GALK2: variants seen among roughly 807,000 people sequenced by gnomAD.
The protein encoded by GALK2 is N-acetylgalactosamine kinase.
In GALK2, 36 loss-of-function variants were observed where a neutral mutation model predicts 52.4. The ratio of observed to expected loss-of-function variants is 0.69; its 90% CI spans 0.53 to 0.91. The LOEUF (loss-of-function observed/expected upper bound fraction) is 0.91. GALK2 is among the 40% of genes least tolerant of loss of function. The probability of loss-of-function intolerance (pLI) is 0.00; values close to 1 mark genes in which losing one functional copy is unlikely to be tolerated. For synonymous variants in GALK2, 176 were observed against 199.1 expected (o/e 0.88, Z 0.98); for missense variants, 579 against 559.1 (o/e 1.04, Z -0.36).
intron 5 of GALK2, among the ~76,000 whole-genome samples, chr15:49,281,199 A>G (rs2032642948): frequency 6.6e-6 from 1 of 152,222 alleles, no homozygotes; most frequent in Admixed American, 6.5e-5. Context: ...TAAACTGGAT[A>G]TTGGACAAAA....
chr15:49,319,231 G>C, intron 8 of GALK2: 1 of 352,022 alleles, frequency 2.8e-6, no homozygotes, highest in East Asian at 7.6e-5. Context: ...TGGGATTACG[G>C]ATGTGAGCTA....
chr15:49,258,792 A>ATGTGTGTG (rs758074597), intron 5 of GALK2, among the ~76,000 whole-genome samples: 36 of 130,908 alleles, frequency 2.8e-4, no homozygotes, highest in African/African-American at 1.0e-3. Context: ...ATATATATAT[A>ATGTGTGTG]TATGTGTGTG....
At chr15:49,327,864 T>A in intron 9 of GALK2, 88 bp from the exon 10 acceptor site, 1 of 1,271,912 alleles carries the variant, frequency 7.9e-7, no homozygotes, top group African/African-American at 1.5e-5. Flanking sequence ...TTCTTAGAAC[T>A]TAGATAGGCT....
chr15:49,287,894 A>G lies in GALK2; in HGVS notation c.756+4176A>G, dbSNP rs984515435. Among the ~76,000 whole-genome samples the G allele has an allele frequency of 2.0e-4, 31 of 152,206 alleles. 1 individual carries two copies. The East Asian group carries it at 5.8e-3, about 28-fold the overall frequency. On this transcript the variant is annotated intron_variant, in intron 7 of 9. Transcript: ENST00000560031. ...TAAAGACAATTTTTCTTTGTTTTGC[A>G]TTAATGCTAGCAATTTCTTCTATTC... is the stretch of plus-strand genomic sequence containing the variant.
intron 8 of GALK2, among the ~76,000 whole-genome samples, chr15:49,299,592 T>C (rs1200755055): frequency 6.6e-6 from 1 of 152,160 alleles, no homozygotes; most frequent in African/African-American, 2.4e-5. Flanking sequence ...TTTGTTTTCA[T>C]TAGTTTTACA....
intron 4 of GALK2, among the ~76,000 whole-genome samples, chr15:49,237,719 C>T (rs1479798233): frequency 2.6e-5 from 4 of 152,156 alleles, no homozygotes; most frequent in East Asian, 1.9e-4. Context: ...TCGTGACCCA[C>T]CCGCCTCGGC....
chr15:49,223,457 G>A (rs1362896109), intron 3 of GALK2, among the ~76,000 whole-genome samples: 1 of 152,024 alleles, frequency 6.6e-6, no homozygotes, highest in East Asian at 1.9e-4. Context: ...TGATGTTTGG[G>A]GTACAGATGA....
chr15:49,272,846 T>C (rs2030933328), intron 5 of GALK2, among the ~76,000 whole-genome samples: 1 of 152,194 alleles, frequency 6.6e-6, no homozygotes, highest in Non-Finnish European at 1.5e-5. Flanking sequence ...CCAGCCTGAT[T>C]GTTGAAGGTC....
chr15:49,324,170 G>A (rs368858423), intron 9 of GALK2, among the ~76,000 whole-genome samples: 9 of 151,936 alleles, frequency 5.9e-5, no homozygotes, highest in South Asian at 2.1e-4. Context: ...CTGCATTATC[G>A]CCCAAGCTAT....
chr15:49,208,651 T>C (rs1462990680), intron 2 of GALK2, among the ~76,000 whole-genome samples: 1 of 152,228 alleles, frequency 6.6e-6, no homozygotes, highest in African/African-American at 2.4e-5. Context: ...AAATGCTCTG[T>C]ATATATGTGT....
intron 5 of GALK2, among the ~76,000 whole-genome samples, chr15:49,242,511 G>A (rs1324213581): frequency 4.6e-5 from 7 of 152,204 alleles, no homozygotes; most frequent in Admixed American, 4.6e-4. Context: ...TAACTAGCCT[G>A]TTTGATAAGG....
At position 49,160,630 on chromosome 15, in the gene GALK2, C is replaced by T. The variant is rs981038568; in HGVS notation, c.20+4614C>T. Reference sequence around the variant, plus strand: ...CTGGAATCCTAGCACTTTGGGAGGCCGAGGTGGGTGGATCACGAGGTCAAG... The same window carrying T: ...CTGGAATCCTAGCACTTTGGGAGGCTGAGGTGGGTGGATCACGAGGTCAAG... On this transcript the variant is annotated intron_variant, in intron 1 of 9. Transcript: ENST00000327171. Among the ~76,000 whole-genome samples the T allele has an allele frequency of 2.6e-5, 4 of 151,936 alleles. No individual in the cohort carries two copies. In the South Asian group the frequency reaches 8.3e-4, roughly 32 times the overall value.
intron 3 of GALK2, among the ~76,000 whole-genome samples, chr15:49,232,138 T>C (rs2090536506): frequency 6.6e-6 from 1 of 152,236 alleles, no homozygotes; most frequent in Admixed American, 6.5e-5. Context: ...TAGGCTTTTC[T>C]ACACATACTC....
intron 8 of GALK2, among the ~76,000 whole-genome samples, chr15:49,296,934 T>C (rs937249202): frequency 6.6e-6 from 1 of 152,212 alleles, no homozygotes; most frequent in Non-Finnish European, 1.5e-5. Context: ...TTATATTCAT[T>C]TGGGTATATA....
intron 3 of GALK2, chr15:49,353,976 A>C (rs945043539): frequency 4.6e-5 from 7 of 152,210 alleles, no homozygotes; most frequent in African/African-American, 1.4e-4. Context: ...CATGTGATGA[A>C]GATTATTGGA....
chr15:49,334,297 A>G (rs2039314590), downstream of GALK2: 6 of 948,908 alleles, frequency 6.3e-6, no homozygotes, highest in Non-Finnish European at 5.0e-6. Flanking sequence ...TTTTCCCTAT[A>G]AAGTTAAAGT....
At chr15:49,262,300 G>A (rs991607309) in intron 5 of GALK2, among the ~76,000 whole-genome samples, 11 of 152,002 alleles carry the variant, frequency 7.2e-5, no homozygotes, top group South Asian at 2.1e-4. Context: ...GTCTTGGGAG[G>A]GTGTATGTGT....
At position 49,355,513 on chromosome 15, in the gene GALK2, A is replaced by C. The variant is rs531185781; in HGVS notation, c.427-11978A>C. 1.4e-4 allele frequency among the ~76,000 whole-genome samples: 21 copies of C among 152,282 alleles called. No homozygotes were observed. In the South Asian group the frequency reaches 2.9e-3, roughly 21 times the overall value. Reference sequence around the variant, plus strand: ...CAGCGATGGAAGATGAAATGAATGAAATGAAGCAAGAAGGGAAGTTTAGAG... The same window carrying C: ...CAGCGATGGAAGATGAAATGAATGACATGAAGCAAGAAGGGAAGTTTAGAG... On this transcript the variant is annotated intron_variant, in intron 3 of 3. Transcript: ENST00000558399.
chr15:49,301,025 T>A (rs965265875), intron 8 of GALK2, among the ~76,000 whole-genome samples: 1 of 152,208 alleles, frequency 6.6e-6, no homozygotes, highest in African/African-American at 2.4e-5. Context: ...ATGAATTCCC[T>A]TAGGCTTTGC....
Sources: gnomAD v4.1 joint callset for allele counts (sites outside exome capture counted in the v4.1 genomes callset) on GRCh38, gnomAD v4.1.1 for gene constraint, MANE v1.5 for transcripts, NCBI Gene and HGNC (gene_info 2026-07-23, HGNC 2026-07-21) for gene names.